FAF1: variants seen among roughly 807,000 people sequenced by gnomAD.
FAF1 encodes Fas associated factor 1.
A neutral mutation model predicts 92.5 loss-of-function variants in FAF1; 25 were observed. The observed-to-expected ratio is 0.27, with a 90% CI of 0.20 to 0.38. The LOEUF (loss-of-function observed/expected upper bound fraction) is 0.38, where lower values mean the gene tolerates loss of function less well. Among genes scored for constraint, FAF1 ranks in the 10% least tolerant of loss-of-function variants. The pLI is 1.00. For missense variants in FAF1, 636 were observed against 793.3 expected (o/e 0.80, Z 2.38); for synonymous variants, 234 against 273.2 (o/e 0.86, Z 1.42).
chr1:50,833,925 C>T (rs2095864), intron 2 of FAF1, among the ~76,000 whole-genome samples: 10,086 of 152,300 alleles, frequency 0.066, 413 homozygotes, highest in East Asian at 0.094. Context: ...ACATTACTCT[C>T]TTAACTGGTC....
Position 50,584,675 on chromosome 1 carries a change from T to G in FAF1, c.967+10A>C, listed in dbSNP as rs561096847. Reference sequence around the variant, plus strand: ...TCTATTGCTGGACCCAAAGAGCTATTAATACTCACTCATTGGAGATTTTCT... The same window carrying G: ...TCTATTGCTGGACCCAAAGAGCTATGAATACTCACTCATTGGAGATTTTCT... On this transcript the variant is annotated intron_variant, in intron 10 of 18. Coordinates refer to ENST00000396153, the MANE Select transcript of FAF1 (RefSeq NM_007051.3). 1.2e-5 allele frequency: 19 copies of G among 1,612,506 alleles called. No homozygotes were observed. Among genetic ancestry groups the G allele is most frequent in the Middle Eastern group, 1.7e-4 (1 of 6,050 alleles).
At chr1:50,892,285 TC>T (rs1231535486) in intron 1 of FAF1, among the ~76,000 whole-genome samples, 1 of 152,212 alleles carries the variant, frequency 6.6e-6, no homozygotes, top group East Asian at 1.9e-4. Context: ...GAAAGGGAAT[TC>T]CCTGACGCTT....
intron 7 of FAF1, among the ~76,000 whole-genome samples, chr1:50,693,215 TTTAAG>T (rs1657016365): frequency 6.6e-6 from 1 of 152,188 alleles, no homozygotes; most frequent in African/African-American, 2.4e-5. Context: ...GGATCTGTGA[TTTAAG>T]TTAATTTTTC....
At chr1:50,719,929 G>A (rs1421674969) in intron 6 of FAF1, among the ~76,000 whole-genome samples, 1 of 152,088 alleles carries the variant, frequency 6.6e-6, no homozygotes, top group African/African-American at 2.4e-5. Flanking sequence ...TGCTTTAATT[G>A]AGGACAAGTT....
chr1:50,526,457 T>A (rs1240514639), intron 15 of FAF1, among the ~76,000 whole-genome samples: 2 of 151,552 alleles, frequency 1.3e-5, no homozygotes, highest in African/African-American at 4.8e-5. Context: ...ATATTTATTA[T>A]TTTTAAATAA....
intron 8 of FAF1, among the ~76,000 whole-genome samples, chr1:50,639,933 C>CAAAAAAAAAAAAA (rs1197342810): frequency 1.4e-5 from 1 of 70,164 alleles, no homozygotes; most frequent in African/African-American, 4.7e-5. Context: ...GACTCGATCT[C>CAAAAAAAAAAAAA]AAAAAAAAAA....
At chr1:50,541,028 AG>A (rs1648735347) in intron 13 of FAF1, among the ~76,000 whole-genome samples, 1 of 152,254 alleles carries the variant, frequency 6.6e-6, no homozygotes, top group South Asian at 2.1e-4. Context: ...ATGCATTAGA[AG>A]GTAAATCTAT....
At chr1:50,516,261 C>T (rs1647218884) in intron 15 of FAF1, among the ~76,000 whole-genome samples, 1 of 152,184 alleles carries the variant, frequency 6.6e-6, no homozygotes. Context: ...AACCCTATCT[C>T]TCTTTAGATT....
At chr1:50,910,304 T>C (rs1005298835) in intron 1 of FAF1, among the ~76,000 whole-genome samples, 2 of 152,148 alleles carry the variant, frequency 1.3e-5, no homozygotes, top group Non-Finnish European at 2.9e-5. Context: ...CTGGGAGGTG[T>C]CTCCCAGTTA....
intron 9 of FAF1, among the ~76,000 whole-genome samples, chr1:50,586,136 G>A (rs189577696): frequency 6.6e-6 from 1 of 152,222 alleles, no homozygotes; most frequent in East Asian, 1.9e-4. Context: ...AAAGCTGGAA[G>A]GATCTTAAAA....
chr1:50,724,244 A>T (rs1658530724), intron 6 of FAF1, among the ~76,000 whole-genome samples: 1 of 149,064 alleles, frequency 6.7e-6, no homozygotes, highest in Non-Finnish European at 1.5e-5. Context: ...TTTCAAAAAA[A>T]AAAAAAAAAA....
intron 8 of FAF1, among the ~76,000 whole-genome samples, chr1:50,609,294 C>G (rs1652584461): frequency 6.6e-6 from 1 of 152,136 alleles, no homozygotes; most frequent in Non-Finnish European, 1.5e-5. Context: ...TGCCACACCG[C>G]CATTTCACAG....
intron 2 of FAF1, among the ~76,000 whole-genome samples, chr1:50,831,475 T>C (rs758728075): frequency 3.3e-5 from 5 of 152,188 alleles, no homozygotes; most frequent in Non-Finnish European, 7.3e-5. Flanking sequence ...CCAGTGACAC[T>C]GGGAGCTCCT....
intron 17 of FAF1, 129 bp downstream of exon 17, chr1:50,490,445 AAGGAAGGAAGGAAG>A (rs757459437): frequency 0.12 from 62,495 of 510,928 alleles, 6,963 homozygotes; most frequent in Middle Eastern, 0.19. Flanking sequence ...GGAAGGAAGG[AAGGAAGGAAGGAAG>A]GAAAAAGAAA....
At chr1:50,851,380 T>C (rs956630262) in intron 2 of FAF1, among the ~76,000 whole-genome samples, 3 of 152,220 alleles carry the variant, frequency 2.0e-5, no homozygotes. Flanking sequence ...GTCTAAATTT[T>C]TATTTTCTTT....
chr1:50,640,915 C>T (rs1239075841), intron 8 of FAF1, among the ~76,000 whole-genome samples: 1 of 139,568 alleles, frequency 7.2e-6, no homozygotes, highest in Non-Finnish European at 1.5e-5. Flanking sequence ...CTCACTGCAA[C>T]CTCTGCCTCT....
intron 1 of FAF1, among the ~76,000 whole-genome samples, chr1:50,944,564 G>A (rs1033737061): frequency 5.3e-5 from 8 of 152,048 alleles, no homozygotes; most frequent in Non-Finnish European, 7.3e-5. Context: ...AATGTCAGGC[G>A]CAAGAGGGTC....
rs867686587 is a variant in FAF1, at chr1:50,857,970, C to T, written c.73G>A (p.Glu25Lys). ...QACTGIENID[E>K]AITLLEQNNW... is the part of the protein sequence containing the mutation. ...TTTTGTTCAAGCAATGTAATAGCTT[C>T]GTCAATGTTTTCAATGCCAGTACAT... The change falls in exon 2 of 19, where the codon GAA (glutamate) becomes AAA (lysine). Residue 25 changes from glutamate (E) to lysine (K), a missense_variant. Physicochemically the swap from Glu to Lys is moderately conservative, Grantham distance 56 (BLOSUM62 1). This residue lies in a region of FAF1 where 317 missense variants were observed against 342.4 expected (regional missense o/e 0.93). Transcript: ENST00000396153. The T allele has an allele frequency of 5.0e-6, 8 of 1,600,444 alleles. No individual in the cohort carries two copies. The highest frequency in any genetic ancestry group is 1.4e-5 in the African/African-American group (1 of 73,968).
rs575095122 is a variant in FAF1, at chr1:50,458,301, T to C, written c.1870-16778A>G. ...ACTCCATTTTATGTTCAGCATAGTA[T>C]GGGGAAAGGACCTGGGTTTTGAGAA... On this transcript the variant is annotated intron_variant, in intron 18 of 18. Coordinates refer to ENST00000396153, the MANE Select transcript of FAF1 (RefSeq NM_007051.3). 6.6e-4 allele frequency among the ~76,000 whole-genome samples: 101 copies of C among 152,310 alleles called. No homozygotes were observed. In the Middle Eastern group the frequency reaches 0.017, roughly 26 times the overall value.
Sources: allele counts gnomAD v4.1 joint callset (sites outside exome capture counted in the v4.1 genomes callset), GRCh38; gene constraint gnomAD v4.1.1; regional missense constraint gnomAD v4.1.1; transcripts MANE v1.5; gene names NCBI Gene and HGNC (gene_info 2026-07-23, HGNC 2026-07-21).